Variants in RAB21 observed in about 807,000 individuals in gnomAD.
The protein encoded by RAB21 is ras-related protein Rab-21.
RAB21 carries 13 observed loss-of-function variants against 33.1 expected under a neutral mutation model. The observed-to-expected ratio is 0.39, with a 90% confidence interval of 0.26 to 0.62. RAB21 has a LOEUF of 0.62. RAB21 is among the 20% of genes least tolerant of loss of function. The probability of loss-of-function intolerance (pLI) is 0.48; values close to 1 mark genes in which losing one functional copy is unlikely to be tolerated. For synonymous variants in RAB21, 91 were observed against 103.7 expected (o/e 0.88, Z 0.74); for missense variants, 234 against 279.1 (o/e 0.84, Z 1.15).
At chr12:71,772,888 T>G (rs1177909558) in intron 3 of RAB21, among the ~76,000 whole-genome samples, 4 of 152,228 alleles carry the variant, frequency 2.6e-5, no homozygotes, top group Non-Finnish European at 5.9e-5. Flanking sequence ...ATAAGGATTT[T>G]GGGTTGCCAA....
chr12:71,763,112 C>T (rs1331846025), intron 1 of RAB21, among the ~76,000 whole-genome samples: 2 of 151,076 alleles, frequency 1.3e-5, no homozygotes, highest in Non-Finnish European at 2.9e-5. Context: ...CACACACACA[C>T]ACACACACAC....
rs951353897 is a variant in RAB21, at chr12:71,797,089, T to C, written c.*11416T>C. The C allele has an allele frequency of 6.6e-6, 1 of 152,150 alleles. No homozygotes were observed. Among genetic ancestry groups the C allele is most frequent in the African/African-American group, 2.4e-5 (1 of 41,438 alleles). 9.4% of individuals were successfully genotyped at this position (152,150 alleles called of 1,614,324 possible). On this transcript the variant is annotated 3_prime_UTR_variant, in exon 7 of 7. Coordinates refer to ENST00000261263, the MANE Select transcript of RAB21 (RefSeq NM_014999.4). ...GTCATAAACCATTCTATGTGGAGCA[T>C]TTTACAGGGGCTCTGAAAGGTATAC... is the stretch of plus-strand genomic sequence containing the variant.
At position 71,792,216 on chromosome 12, in the gene RAB21, T is replaced by A. The variant is rs1190744124; in HGVS notation, c.*6543T>A. On this transcript the variant is annotated 3_prime_UTR_variant, in exon 7 of 7. Coordinates refer to ENST00000261263, the MANE Select transcript of RAB21 (RefSeq NM_014999.4). ...AGCAAGTTAAATCAGCAGTAATAGT[T>A]CTGGAACTAGAAGTTAACTACTTAC... The A allele has an allele frequency of 6.6e-6, 1 of 152,178 alleles. No homozygotes were observed. The highest frequency in any genetic ancestry group is 1.5e-5 in the Non-Finnish European group (1 of 68,040). The allele number at this position is 152,178 out of a possible 1,614,324, so 9.4% of individuals were successfully genotyped here.
chr12:71,772,971 C>T (rs1171923151), intron 3 of RAB21, among the ~76,000 whole-genome samples: 7 of 152,126 alleles, frequency 4.6e-5, no homozygotes, highest in Admixed American at 4.6e-4. Context: ...AGACCAGATG[C>T]ACAGTAAGTG....
At position 71,764,866 on chromosome 12, in the gene RAB21, A is replaced by G. The variant is rs184555566; in HGVS notation, c.160-4934A>G. ...TTTATTCACTTGTTGGTTGATGGAC[A>G]CTCAGGTTGGCTCCATATCTTTGCA... On this transcript the variant is annotated intron_variant, in intron 1 of 6. Transcript: ENST00000261263. Among the ~76,000 whole-genome samples the G allele has an allele frequency of 1.1e-3, 171 of 152,252 alleles. 1 individual carries two copies. Among genetic ancestry groups the G allele is most frequent in the African/African-American group, 3.8e-3 (157 of 41,556 alleles).
chr12:71,762,472 A>G (rs1882887500), intron 1 of RAB21, among the ~76,000 whole-genome samples: 1 of 151,054 alleles, frequency 6.6e-6, no homozygotes, highest in South Asian at 2.1e-4. Context: ...CGCCCGGCTA[A>G]TTTTTTGTAT....
intron 1 of RAB21, among the ~76,000 whole-genome samples, chr12:71,759,419 A>G (rs184541640): frequency 2.6e-5 from 4 of 152,376 alleles, no homozygotes; most frequent in South Asian, 2.1e-4. Context: ...CTCTGCAGCA[A>G]GTTTTACTGT....
At chr12:71,769,042 C>T (rs1349134012) in intron 1 of RAB21, among the ~76,000 whole-genome samples, 1 of 152,108 alleles carries the variant, frequency 6.6e-6, no homozygotes, top group South Asian at 2.1e-4. Context: ...TGACCATACC[C>T]ACTTGGAGTT....
At chr12:71,776,800 T>G (rs895278155) in intron 4 of RAB21, among the ~76,000 whole-genome samples, 7 of 152,172 alleles carry the variant, frequency 4.6e-5, no homozygotes, top group African/African-American at 1.7e-4. Context: ...AAAAGTATTT[T>G]GGGCCTCGTT....
intron 2 of RAB21, among the ~76,000 whole-genome samples, chr12:71,770,148 T>G (rs1883020851): frequency 6.6e-6 from 1 of 152,192 alleles, no homozygotes; most frequent in Non-Finnish European, 1.5e-5. Context: ...TATTCCAGCC[T>G]TCTAAGAGAA....
chr12:71,760,374 T>C (rs76503339), intron 1 of RAB21, among the ~76,000 whole-genome samples: 1 of 109,208 alleles, frequency 9.2e-6, no homozygotes, highest in African/African-American at 4.1e-5. Flanking sequence ...TCTTAACTTA[T>C]ATAGAGTCCC....
Position 71,788,166 on chromosome 12 carries a change from A to C in RAB21, c.*2493A>C, listed in dbSNP as rs959485372. The C allele has an allele frequency of 6.6e-6, 1 of 152,192 alleles. No individual in the cohort carries two copies. Among genetic ancestry groups the C allele is most frequent in the South Asian group, 2.1e-4 (1 of 4,824 alleles). 9.4% of individuals were successfully genotyped at this position (152,192 alleles called of 1,614,324 possible). A position where few individuals can be genotyped will look rare whatever the true frequency, so the allele number is the denominator to read the frequency against. On this transcript the variant is annotated 3_prime_UTR_variant, in exon 7 of 7. Transcript: ENST00000261263. ...GAGATGAAATTGAGCTTTATTTTAAAAAAACGTTCTAAAGCCTGATAATTG... is the reference window on the plus strand; with the variant it reads ...GAGATGAAATTGAGCTTTATTTTAACAAAACGTTCTAAAGCCTGATAATTG...
At position 71,789,689 on chromosome 12, in the gene RAB21, A is replaced by C. The variant is rs985324888; in HGVS notation, c.*4016A>C. On this transcript the variant is annotated 3_prime_UTR_variant, in exon 7 of 7. Coordinates refer to ENST00000261263, the MANE Select transcript of RAB21 (RefSeq NM_014999.4). ...TATAAAATGCATTACCTAGGCTTTA[A>C]TAGTTAAAAGCTGGAATTTATTGAA... is the stretch of plus-strand genomic sequence containing the variant. 1 of 152,168 alleles carries C rather than the reference A, an allele frequency of 6.6e-6. No homozygotes were observed. The highest frequency in any genetic ancestry group is 2.4e-5 in the African/African-American group (1 of 41,466). The allele number at this position is 152,168 out of a possible 1,614,324, so 9.4% of individuals were successfully genotyped here.
rs1883304672 is a variant in RAB21 at position 71,787,049 on chromosome 12, A to G, written c.*1376A>G. The G allele has an allele frequency of 6.6e-6, 1 of 152,218 alleles. No individual in the cohort carries two copies. The highest frequency in any genetic ancestry group is 1.5e-5 in the Non-Finnish European group (1 of 68,042). The allele number at this position is 152,218 out of a possible 1,614,324, so 9.4% of individuals were successfully genotyped here. ...ATATAGCACGTAGTTTATGTTCCTG[A>G]GGCAGCACTTTTAGATCCTTTGTGA... is the stretch of plus-strand genomic sequence containing the variant. On this transcript the variant is annotated 3_prime_UTR_variant, in exon 7 of 7. Coordinates refer to ENST00000261263, the MANE Select transcript of RAB21 (RefSeq NM_014999.4).
intron 1 of RAB21, among the ~76,000 whole-genome samples, chr12:71,763,442 A>T (rs190952773): frequency 6.6e-6 from 1 of 151,836 alleles, no homozygotes; most frequent in Admixed American, 6.6e-5. Flanking sequence ...CCTTTTTTTA[A>T]GTTTTTAAAT....
In RAB21 at chr12:71,799,769, T is replaced by C. The variant is rs1883513643; in HGVS notation, c.*14096T>C. On this transcript the variant is annotated 3_prime_UTR_variant, in exon 7 of 7. Coordinates refer to ENST00000261263, the MANE Select transcript of RAB21 (RefSeq NM_014999.4). The stretch of plus-strand genomic sequence containing the variant: ...AGTATAGTAGACAATTGAAGTATAG[T>C]AAAGATAAAATTAATTGCACAGGCC... 1 of 152,120 alleles carries C rather than the reference T, an allele frequency of 6.6e-6. No homozygotes were observed. The highest frequency in any genetic ancestry group is 2.4e-5 in the African/African-American group (1 of 41,422). 9.4% of individuals were successfully genotyped at this position (152,120 alleles called of 1,614,324 possible).
chr12:71,787,376 T>C lies in RAB21; in HGVS notation c.*1703T>C, dbSNP rs1883310814. On this transcript the variant is annotated 3_prime_UTR_variant, in exon 7 of 7. Coordinates refer to ENST00000261263, the MANE Select transcript of RAB21 (RefSeq NM_014999.4). Reference sequence around the variant, plus strand: ...CATAAATTGTTCTTGTTCTAATATATATATTTTTTCATTTCTGTCGTGCTT... The same window carrying C: ...CATAAATTGTTCTTGTTCTAATATACATATTTTTTCATTTCTGTCGTGCTT... The C allele has an allele frequency of 6.6e-6, 1 of 152,176 alleles. No homozygotes were observed. Among genetic ancestry groups the C allele is most frequent in the African/African-American group, 2.4e-5 (1 of 41,436 alleles). The allele number at this position is 152,176 out of a possible 1,614,324, so 9.4% of individuals were successfully genotyped here.
intron 1 of RAB21, among the ~76,000 whole-genome samples, chr12:71,761,576 G>A (rs1882872393): frequency 6.6e-6 from 1 of 152,128 alleles, no homozygotes; most frequent in African/African-American, 2.4e-5. Context: ...TACTCAGGAG[G>A]CTAAGGAAGG....
chr12:71,755,526 C>A (rs1882772276), intron 1 of RAB21, among the ~76,000 whole-genome samples: 1 of 152,178 alleles, frequency 6.6e-6, no homozygotes, highest in Non-Finnish European at 1.5e-5. Flanking sequence ...CCCAGTGTTC[C>A]CCGTGGTGGC....
Sources: allele counts gnomAD v4.1 joint callset (sites outside exome capture counted in the v4.1 genomes callset), GRCh38; gene constraint gnomAD v4.1.1; transcripts MANE v1.5; gene names NCBI Gene and HGNC (gene_info 2026-07-23, HGNC 2026-07-21).